Variants in PCSK2 observed in about 807,000 individuals in gnomAD.
PCSK2 encodes neuroendocrine convertase 2.
PCSK2 carries 14 observed loss-of-function variants against 69.7 expected under a neutral mutation model. The observed-to-expected ratio is 0.20, with a 90% confidence interval of 0.13 to 0.31. PCSK2 has a LOEUF of 0.31. Ranked by LOEUF, PCSK2 falls within the 10% of genes least tolerant of loss-of-function variation. PCSK2 has a pLI of 1.00. For missense variants in PCSK2, 544 were observed against 842.5 expected (o/e 0.65, Z 4.39); for synonymous variants, 307 against 320.7 (o/e 0.96, Z 0.46).
At chr20:17,445,760 A>C (rs922783715) in intron 8 of PCSK2, among the ~76,000 whole-genome samples, 1 of 152,246 alleles carries the variant, frequency 6.6e-6, no homozygotes, top group African/African-American at 2.4e-5. Flanking sequence ...CTGTGAGCCC[A>C]GATTTATGCT....
intron 3 of PCSK2, among the ~76,000 whole-genome samples, chr20:17,358,828 C>A (rs1241739252): frequency 6.6e-6 from 1 of 152,086 alleles, no homozygotes; most frequent in Non-Finnish European, 1.5e-5. Flanking sequence ...AGTCACAGGC[C>A]TAAAAGAAAG....
At chr20:17,471,036 C>T (rs1388567529) in intron 11 of PCSK2, among the ~76,000 whole-genome samples, 1 of 152,186 alleles carries the variant, frequency 6.6e-6, no homozygotes, top group Non-Finnish European at 1.5e-5. Flanking sequence ...GCTATATTTT[C>T]TGAGATTGCA....
intron 8 of PCSK2, among the ~76,000 whole-genome samples, chr20:17,450,632 G>T (rs1194176280): frequency 6.6e-6 from 1 of 152,152 alleles, no homozygotes; most frequent in Non-Finnish European, 1.5e-5. Flanking sequence ...GCACTGGCAG[G>T]TTCAGTGTCT....
At position 17,365,049 on chromosome 20, in the gene PCSK2, C is replaced by CCTGT. The variant is rs61681402; in HGVS notation, c.506-4189_506-4188insGTCT. Among the ~76,000 whole-genome samples, 1,495 of 152,260 alleles carry CCTGT rather than the reference C, an allele frequency of 9.8e-3. 25 individuals carry two copies. Among genetic ancestry groups the CCTGT allele is most frequent in the African/African-American group, 0.033 (1,384 of 41,540 alleles). ...ATTGGCTGTAGATGTTTACAATGTG[C>CCTGT]CTTAGTCCGTTCCTGATGCTGTAAC... On this transcript the variant is annotated intron_variant, in intron 4 of 11. Transcript: ENST00000262545.
chr20:17,272,448 G>T (rs192149708), intron 2 of PCSK2, among the ~76,000 whole-genome samples: 1 of 152,020 alleles, frequency 6.6e-6, no homozygotes, highest in African/African-American at 2.4e-5. Context: ...TTGAAGGATC[G>T]AGGTATTGGT....
chr20:17,293,063 G>T (rs73094442), intron 2 of PCSK2, among the ~76,000 whole-genome samples: 23,209 of 152,058 alleles, frequency 0.15, 2,255 homozygotes, highest in Non-Finnish European at 0.22. Context: ...GGCTTTAAAG[G>T]ATCCACCTGC....
intron 4 of PCSK2, 110 bp downstream of exon 4, chr20:17,360,750 T>C (rs2030364326): frequency 2.9e-6 from 2 of 681,686 alleles, no homozygotes; most frequent in Admixed American, 2.2e-5. Context: ...AACAGCAAGA[T>C]ACTGGGCATG....
chr20:17,449,507 C>CATATATATATATGTATGTATAT (rs1310068154), intron 8 of PCSK2, among the ~76,000 whole-genome samples: 5 of 70,366 alleles, frequency 7.1e-5, no homozygotes, highest in African/African-American at 2.5e-4. Context: ...TATAAATATA[C>CATATATATATATGTATGTATAT]ATATATATAT....
intron 7 of PCSK2, among the ~76,000 whole-genome samples, chr20:17,433,650 T>A (rs1008903350): frequency 1.3e-5 from 2 of 152,194 alleles, no homozygotes; most frequent in Admixed American, 6.5e-5. Context: ...TCACCTCTAC[T>A]CATTAATGTG....
intron 5 of PCSK2, among the ~76,000 whole-genome samples, chr20:17,403,347 G>T (rs961076799): frequency 6.6e-6 from 1 of 152,138 alleles, no homozygotes; most frequent in African/African-American, 2.4e-5. Context: ...AAAAGTGAGC[G>T]GAACATTATC....
chr20:17,284,630 G>A (rs7344110), intron 2 of PCSK2, among the ~76,000 whole-genome samples: 2 of 152,192 alleles, frequency 1.3e-5, no homozygotes, highest in East Asian at 3.8e-4. Context: ...TGGCTTTCTA[G>A]ACAGAGAATG....
chr20:17,342,990 T>C (rs1283806981), intron 2 of PCSK2, among the ~76,000 whole-genome samples: 2 of 152,126 alleles, frequency 1.3e-5, no homozygotes, highest in Admixed American at 6.6e-5. Context: ...GCGAGGTTCC[T>C]GCTATAATTA....
At chr20:17,268,094 TA>T (rs1363384440) in intron 2 of PCSK2, among the ~76,000 whole-genome samples, 1 of 143,484 alleles carries the variant, frequency 7.0e-6, no homozygotes, top group Non-Finnish European at 1.6e-5. Context: ...TTATATCTTC[TA>T]AAAATGATTA....
chr20:17,430,753 G>A (rs1323683751), intron 7 of PCSK2, among the ~76,000 whole-genome samples: 2 of 152,146 alleles, frequency 1.3e-5, no homozygotes, highest in African/African-American at 4.8e-5. Flanking sequence ...GACCTGGGAT[G>A]GAATCTAAGG....
At chr20:17,303,503 A>AT (rs527972026) in intron 2 of PCSK2, among the ~76,000 whole-genome samples, 3,183 of 42,346 alleles carry the variant, frequency 0.075, 113 homozygotes, top group East Asian at 0.17. Context: ...TTAATATAAT[A>AT]TATATTATAT....
chr20:17,268,063 A>ATATATATATATATATG (rs1987702272), intron 2 of PCSK2, among the ~76,000 whole-genome samples: 2 of 145,408 alleles, frequency 1.4e-5, no homozygotes, highest in Non-Finnish European at 3.0e-5. Flanking sequence ...ATATATATAT[A>ATATATATATATATATG]ATGCATTTAT....
intron 5 of PCSK2, among the ~76,000 whole-genome samples, chr20:17,407,433 GA>G (rs200154821): frequency 1.3e-5 from 2 of 151,704 alleles, no homozygotes; most frequent in African/African-American, 4.8e-5. Context: ...TTGAAGCCCA[GA>G]AAAAAAAGTA....
intron 2 of PCSK2, among the ~76,000 whole-genome samples, chr20:17,348,009 AAAGAG>A: frequency 6.7e-6 from 1 of 148,332 alleles, no homozygotes; most frequent in African/African-American, 2.5e-5. Flanking sequence ...AGAAAGAAAG[AAAGAG>A]AGAAAAGAGA....
At chr20:17,360,867 TAAAC>T (rs2030368679) in intron 4 of PCSK2, among the ~76,000 whole-genome samples, 1 of 151,978 alleles carries the variant, frequency 6.6e-6, no homozygotes, top group African/African-American at 2.4e-5. Context: ...AATAATAAGC[TAAAC>T]AAATGAATAA....
Sources: allele counts gnomAD v4.1 joint callset (sites outside exome capture counted in the v4.1 genomes callset), GRCh38; gene constraint gnomAD v4.1.1; transcripts MANE v1.5; gene names NCBI Gene and HGNC (gene_info 2026-07-23, HGNC 2026-07-21).